FAM13A: variants seen among roughly 807,000 people sequenced by gnomAD.
The protein encoded by FAM13A is family with sequence similarity 13 member A, also known as protein FAM13A.
In FAM13A, 76 loss-of-function variants were observed where a neutral mutation model predicts 129.6. The ratio of observed to expected loss-of-function variants is 0.59; its 90% CI spans 0.49 to 0.71. The LOEUF is 0.71. Ranked by LOEUF, FAM13A falls within the 30% of genes least tolerant of loss-of-function variation. The probability of loss-of-function intolerance (pLI) is 0.00; values close to 1 mark genes in which losing one functional copy is unlikely to be tolerated. For synonymous variants in FAM13A, 443 were observed against 449.9 expected (o/e 0.98, Z 0.20); for missense variants, 1,108 against 1,249.3 (o/e 0.89, Z 1.70).
intron 3 of FAM13A, among the ~76,000 whole-genome samples, chr4:89,004,188 G>A (rs1463826405): frequency 1.3e-5 from 2 of 152,142 alleles, no homozygotes; most frequent in Non-Finnish European, 2.9e-5. Context: ...GCCCAGGCTG[G>A]AGTGCAGTGG....
chr4:88,818,617 A>G (rs1000720401), intron 7 of FAM13A, among the ~76,000 whole-genome samples: 7 of 152,216 alleles, frequency 4.6e-5, no homozygotes, highest in Non-Finnish European at 1.0e-4. Flanking sequence ...ATGTGAGAAC[A>G]GAGCCCACAG....
chr4:89,041,031 A>G (rs1320848637), intron 1 of FAM13A, among the ~76,000 whole-genome samples: 1 of 152,118 alleles, frequency 6.6e-6, no homozygotes, highest in Non-Finnish European at 1.5e-5. Context: ...CCACTCTTGG[A>G]CCCCTGGATT....
chr4:88,862,918 T>C (rs1000873929), intron 6 of FAM13A, among the ~76,000 whole-genome samples: 1 of 151,054 alleles, frequency 6.6e-6, no homozygotes, highest in Admixed American at 6.6e-5. Flanking sequence ...TGGGACATCA[T>C]GAGGAAAAAA....
chr4:88,801,246 A>G (rs1030200536), intron 8 of FAM13A, among the ~76,000 whole-genome samples: 17 of 152,216 alleles, frequency 1.1e-4, no homozygotes, highest in Non-Finnish European at 2.4e-4. Flanking sequence ...TTTCTTTAAC[A>G]TAAATGTACA....
chr4:88,782,052 G>T (rs2149623256), intron 10 of FAM13A, among the ~76,000 whole-genome samples: 1 of 151,688 alleles, frequency 6.6e-6, no homozygotes, highest in South Asian at 2.1e-4. Context: ...CAATCTCATT[G>T]AATTATTAAT....
intron 9 of FAM13A, among the ~76,000 whole-genome samples, chr4:88,789,445 T>A (rs1365183930): frequency 6.6e-6 from 1 of 152,036 alleles, no homozygotes; most frequent in East Asian, 1.9e-4. Flanking sequence ...CTACCCCACC[T>A]CCTACACCTG....
chr4:89,023,146 G>A (rs1767496576), intron 2 of FAM13A, among the ~76,000 whole-genome samples: 1 of 152,138 alleles, frequency 6.6e-6, no homozygotes, highest in South Asian at 2.1e-4. Flanking sequence ...TTTCCCTTAA[G>A]TTCTGTGGAA....
At chr4:89,047,093 AGT>A (rs1770955063) in intron 1 of FAM13A, among the ~76,000 whole-genome samples, 3 of 152,158 alleles carry the variant, frequency 2.0e-5, no homozygotes, top group African/African-American at 2.4e-5. Flanking sequence ...GGCAAGTAAC[AGT>A]GAGCAGGACT....
intron 4 of FAM13A, among the ~76,000 whole-genome samples, chr4:88,968,843 T>C (rs895542563): frequency 6.6e-6 from 1 of 152,162 alleles, no homozygotes; most frequent in Admixed American, 6.5e-5. Flanking sequence ...CTATTATTCA[T>C]TTTTCAACAG....
chr4:88,855,129 T>C (rs1561172303), intron 6 of FAM13A, among the ~76,000 whole-genome samples: 1 of 152,230 alleles, frequency 6.6e-6, no homozygotes, highest in Non-Finnish European at 1.5e-5. Context: ...CACTAGTCTA[T>C]ATACTTGGTT....
At chr4:88,968,010 C>A (rs1759574395) in intron 4 of FAM13A, among the ~76,000 whole-genome samples, 1 of 152,076 alleles carries the variant, frequency 6.6e-6, no homozygotes, top group Admixed American at 6.6e-5. Context: ...CTGACTTTTC[C>A]TGTTTATCCC....
intron 7 of FAM13A, among the ~76,000 whole-genome samples, chr4:88,817,027 TATC>T (rs1332219280): frequency 6.6e-6 from 1 of 152,198 alleles, no homozygotes; most frequent in Non-Finnish European, 1.5e-5. Flanking sequence ...TACATCCATA[TATC>T]ATAATATTAT....
chr4:88,748,892 G>T (rs1741947079), intron 17 of FAM13A, 60 bp downstream of exon 17: 8 of 1,146,988 alleles, frequency 7.0e-6, no homozygotes, highest in Non-Finnish European at 1.1e-5. Context: ...TGGGAGAGGA[G>T]GTGAGAGATT....
intron 19 of FAM13A, among the ~76,000 whole-genome samples, chr4:88,740,406 TGAC>T (rs1324836898): frequency 6.6e-6 from 1 of 152,230 alleles, no homozygotes; most frequent in African/African-American, 2.4e-5. Flanking sequence ...TTTCAGTGCC[TGAC>T]ATCATGGAAA....
Position 89,053,832 on chromosome 4 carries a change from G to T in FAM13A, c.27+3106C>A, listed in dbSNP as rs549205168. ...CCTCCTTCTTCATCCACTAGAATAT[G>T]CAAACTCCCACTTTCAGCCCACCAA... On this transcript the variant is annotated intron_variant, in intron 1 of 23. Coordinates refer to ENST00000264344, the MANE Select transcript of FAM13A (RefSeq NM_014883.4). Among the ~76,000 whole-genome samples, 3 of 152,232 alleles carry T rather than the reference G, an allele frequency of 2.0e-5. No individual in the cohort carries two copies. The East Asian group carries it at 5.8e-4, about 29-fold the overall frequency.
intron 11 of FAM13A, among the ~76,000 whole-genome samples, chr4:88,776,761 G>A (rs1010646898): frequency 2.6e-5 from 4 of 152,108 alleles, no homozygotes; most frequent in Non-Finnish European, 2.9e-5. Context: ...GATCAGTTGA[G>A]GTCAGGAGTT....
chr4:88,804,970 C>T (rs1022517188), intron 8 of FAM13A, 41 bp downstream of exon 8: 1 of 1,200,936 alleles, frequency 8.3e-7, no homozygotes, highest in Admixed American at 1.8e-5. Flanking sequence ...CTTAACCCTC[C>T]TTTATTCCCT....
intron 5 of FAM13A, among the ~76,000 whole-genome samples, chr4:88,921,916 A>G (rs1437285852): frequency 6.6e-6 from 1 of 152,064 alleles, no homozygotes; most frequent in Admixed American, 6.6e-5. Flanking sequence ...CTCTGATAAA[A>G]CAGACTTTAA....
At chr4:88,852,860 G>T (rs1737844262) in intron 6 of FAM13A, among the ~76,000 whole-genome samples, 1 of 152,084 alleles carries the variant, frequency 6.6e-6, no homozygotes, top group African/African-American at 2.4e-5. Context: ...ATAAATTCAT[G>T]CCTCTATGAA....
Sources: gnomAD v4.1 joint callset for allele counts (sites outside exome capture counted in the v4.1 genomes callset) on GRCh38, gnomAD v4.1.1 for gene constraint, MANE v1.5 for transcripts, NCBI Gene and HGNC (gene_info 2026-07-23, HGNC 2026-07-21) for gene names.